Variants in LYPD6B observed in about 807,000 individuals in gnomAD.
The protein encoded by LYPD6B is ly6/PLAUR domain-containing protein 6B.
A neutral mutation model predicts 22.8 loss-of-function variants in LYPD6B; 17 were observed. The observed-to-expected ratio is 0.75, with a 90% CI of 0.51 to 1.12. The LOEUF is 1.12. Ranked by LOEUF, LYPD6B falls within the 50% of genes most tolerant of loss-of-function variation. LYPD6B has a pLI of 0.00. For missense variants in LYPD6B, 221 were observed against 258.3 expected, an observed-to-expected ratio of 0.86 and a Z score of 0.99; for synonymous variants, 106 against 91.6, an observed-to-expected ratio of 1.16 and a Z score of -0.90.
chr2:149,139,713 A>T (rs1171359955), intron 2 of LYPD6B, among the ~76,000 whole-genome samples: 1 of 152,188 alleles, frequency 6.6e-6, no homozygotes, highest in Non-Finnish European at 1.5e-5. Flanking sequence ...GTGTTTCAAG[A>T]TCAAGGGGGC....
intron 1 of LYPD6B, among the ~76,000 whole-genome samples, chr2:149,116,551 G>A (rs1332125145): frequency 1.3e-5 from 2 of 152,088 alleles, no homozygotes; most frequent in East Asian, 3.9e-4. Context: ...ACACCTATTC[G>A]ATTTGAATCT....
chr2:149,120,379 A>AT (rs1371894805), intron 1 of LYPD6B, among the ~76,000 whole-genome samples: 5 of 43,688 alleles, frequency 1.1e-4, no homozygotes, highest in African/African-American at 2.5e-4. Flanking sequence ...ATATATATAT[A>AT]TATATTTTTT....
intron 5 of LYPD6B, among the ~76,000 whole-genome samples, chr2:149,212,467 G>C (rs1316235668): frequency 6.7e-6 from 1 of 149,486 alleles, no homozygotes; most frequent in Non-Finnish European, 1.5e-5. Context: ...GAGTGAAAAA[G>C]GTGATTGTGA....
chr2:149,063,261 A>G (rs180970914), intron 1 of LYPD6B, among the ~76,000 whole-genome samples: 269 of 152,252 alleles, frequency 1.8e-3, no homozygotes, highest in African/African-American at 6.2e-3. Flanking sequence ...TTTTCGGGCC[A>G]AGGGGTGTTA....
intron 1 of LYPD6B, among the ~76,000 whole-genome samples, chr2:149,057,206 A>G (rs898289531): frequency 2.6e-5 from 4 of 152,032 alleles, no homozygotes; most frequent in African/African-American, 9.7e-5. Context: ...TTTATTATAT[A>G]TTATTTATTA....
intron 3 of LYPD6B, among the ~76,000 whole-genome samples, chr2:149,189,220 C>T (rs369709069): frequency 3.3e-5 from 5 of 151,138 alleles, no homozygotes; most frequent in East Asian, 2.0e-4. Context: ...CAAATGTAGT[C>T]GTGGGAGATA....
intron 2 of LYPD6B, among the ~76,000 whole-genome samples, 159 bp downstream of exon 2, chr2:149,131,112 T>C (rs1332138986): frequency 6.6e-6 from 1 of 152,246 alleles, no homozygotes; most frequent in African/African-American, 2.4e-5. Context: ...ATTGGTTAAA[T>C]AATGTGGTTT....
At chr2:149,154,832 G>T (rs1689598834) in intron 2 of LYPD6B, among the ~76,000 whole-genome samples, 1 of 152,126 alleles carries the variant, frequency 6.6e-6, no homozygotes, top group Admixed American at 6.5e-5. Flanking sequence ...TGTGTCCAAT[G>T]CTATATGCTA....
intron 2 of LYPD6B, among the ~76,000 whole-genome samples, chr2:149,143,592 T>A (rs991461499): frequency 1.3e-5 from 2 of 151,672 alleles, no homozygotes; most frequent in Admixed American, 6.6e-5. Context: ...TGACAATAAC[T>A]TGTCTTATCA....
intron 3 of LYPD6B, among the ~76,000 whole-genome samples, chr2:149,175,967 C>T (rs576713175): frequency 2.6e-5 from 4 of 152,010 alleles, no homozygotes; most frequent in Non-Finnish European, 4.4e-5. Context: ...CTTTTTAAAA[C>T]AAATAAATAA....
intron 2 of LYPD6B, among the ~76,000 whole-genome samples, chr2:149,143,633 C>CCTTA (rs1688834123): frequency 6.6e-6 from 1 of 151,970 alleles, no homozygotes; most frequent in Non-Finnish European, 1.5e-5. Flanking sequence ...CCAATTGTCT[C>CCTTA]TTCTGAGGAG....
chr2:149,059,882 C>T (rs552857230), intron 1 of LYPD6B, among the ~76,000 whole-genome samples: 1 of 152,294 alleles, frequency 6.6e-6, no homozygotes, highest in African/African-American at 2.4e-5. Context: ...CAGAAGTTTT[C>T]CCTGGGCCTG....
intron 3 of LYPD6B, among the ~76,000 whole-genome samples, chr2:149,178,845 T>C (rs1336002822): frequency 6.6e-6 from 1 of 152,124 alleles, no homozygotes; most frequent in Non-Finnish European, 1.5e-5. Context: ...ACAAACATGC[T>C]CTCCACCTTC....
intron 2 of LYPD6B, among the ~76,000 whole-genome samples, chr2:149,140,706 T>G (rs975004412): frequency 6.6e-6 from 1 of 152,216 alleles, no homozygotes; most frequent in Non-Finnish European, 1.5e-5. Flanking sequence ...TTCCCTCACT[T>G]TTATGATTGG....
chr2:149,153,543 G>A (rs910209583), intron 2 of LYPD6B, among the ~76,000 whole-genome samples: 4 of 152,242 alleles, frequency 2.6e-5, no homozygotes, highest in Non-Finnish European at 5.9e-5. Flanking sequence ...TTGGGAGGCC[G>A]AGGCGGGCGA....
intron 3 of LYPD6B, among the ~76,000 whole-genome samples, chr2:149,178,819 G>A (rs1362826525): frequency 2.0e-5 from 3 of 152,120 alleles, no homozygotes; most frequent in Non-Finnish European, 2.9e-5. Context: ...ATCTGTCAAA[G>A]GCCAGGCCAG....
At chr2:149,160,967 C>T in intron 3 of LYPD6B, 132 bp downstream of exon 3, 1 of 691,806 alleles carries the variant, frequency 1.4e-6, no homozygotes, top group African/African-American at 1.8e-5. Flanking sequence ...GCCAGGTTTC[C>T]CATCCTAAGC....
At chr2:149,074,361 A>T (rs1684786395) in intron 1 of LYPD6B, among the ~76,000 whole-genome samples, 1 of 152,226 alleles carries the variant, frequency 6.6e-6, no homozygotes, top group African/African-American at 2.4e-5. Context: ...AGATAGATCT[A>T]AAACATCAAC....
intron 3 of LYPD6B, among the ~76,000 whole-genome samples, chr2:149,169,050 A>G (rs1231004149): frequency 6.6e-6 from 1 of 152,206 alleles, no homozygotes; most frequent in African/African-American, 2.4e-5. Flanking sequence ...ATTTTAACAT[A>G]TCCCCTCAAA....
Sources: gnomAD v4.1 joint callset for allele counts (sites outside exome capture counted in the v4.1 genomes callset) on GRCh38, gnomAD v4.1.1 for gene constraint, MANE v1.5 for transcripts, NCBI Gene and HGNC (gene_info 2026-07-23, HGNC 2026-07-21) for gene names.